The following CSMD3 variants were observed in gnomAD, a reference collection of about 807,000 sequenced individuals.
The protein encoded by CSMD3 is CUB and Sushi multiple domains 3, also known as CUB and sushi domain-containing protein 3.
CSMD3 carries 177 observed loss-of-function variants against 435.2 expected under a neutral mutation model. The ratio of observed to expected loss-of-function variants is 0.41; its 90% CI spans 0.36 to 0.46. CSMD3 has a LOEUF of 0.46. CSMD3 is among the 20% of genes least tolerant of loss of function. CSMD3 has a pLI of 0.34. For missense variants in CSMD3, 4,265 were observed against 4,504.6 expected (o/e 0.95, Z 1.52); for synonymous variants, 1,656 against 1,520.5 (o/e 1.09, Z -2.07).
intron 1 of CSMD3, chr8:113,377,087 C>A: frequency 7.7e-7 from 1 of 1,293,906 alleles, no homozygotes; most frequent in East Asian, 4.3e-5. Flanking sequence ...CGCCAGCTGG[C>A]GCTGGACTCC....
chr8:112,894,759 G>C (rs990356982), intron 10 of CSMD3, among the ~76,000 whole-genome samples: 6 of 151,108 alleles, frequency 4.0e-5, no homozygotes, highest in African/African-American at 1.2e-4. Flanking sequence ...CATGTTACTT[G>C]CTACTACTAA....
At chr8:112,722,435 C>G (rs550711967) in intron 13 of CSMD3, among the ~76,000 whole-genome samples, 58 of 152,132 alleles carry the variant, frequency 3.8e-4, no homozygotes, top group Admixed American at 7.2e-4. Flanking sequence ...AAGGTTGTTA[C>G]GATTAGAAGA....
chr8:112,822,818 C>T (rs2079564114), intron 12 of CSMD3, among the ~76,000 whole-genome samples: 3 of 151,972 alleles, frequency 2.0e-5, no homozygotes, highest in Admixed American at 2.0e-4. Context: ...TCCATTAATA[C>T]CTAGTTTATT....
chr8:112,904,037 T>G (rs113766809), intron 10 of CSMD3, among the ~76,000 whole-genome samples: 1 of 151,304 alleles, frequency 6.6e-6, no homozygotes, highest in Non-Finnish European at 1.5e-5. Context: ...TAGGTCCTTC[T>G]TAAGAATAGG....
At chr8:112,511,530 C>T (rs2130956917) in intron 28 of CSMD3, among the ~76,000 whole-genome samples, 1 of 151,928 alleles carries the variant, frequency 6.6e-6, no homozygotes, top group East Asian at 1.9e-4. Flanking sequence ...GCTGGGACTA[C>T]AGGCGCCTGC....
intron 27 of CSMD3, among the ~76,000 whole-genome samples, chr8:112,534,737 T>G (rs1246048337): frequency 6.6e-6 from 1 of 151,968 alleles, no homozygotes. Flanking sequence ...AAAAAGAGAA[T>G]TTTAGACCAA....
intron 1 of CSMD3, among the ~76,000 whole-genome samples, chr8:113,431,324 A>G (rs2094671523): frequency 6.6e-6 from 1 of 152,228 alleles, no homozygotes; most frequent in African/African-American, 2.4e-5. Flanking sequence ...AAATAGCTAA[A>G]GCTATGTTTT....
intron 5 of CSMD3, among the ~76,000 whole-genome samples, chr8:113,050,031 C>A (rs2088019517): frequency 6.6e-6 from 1 of 152,146 alleles, no homozygotes; most frequent in Non-Finnish European, 1.5e-5. Context: ...ACAATCAGTT[C>A]TCTTTAGCGG....
intron 8 of CSMD3, 88 bp from the exon 9 acceptor site, chr8:112,947,965 T>C: frequency 1.5e-6 from 1 of 666,320 alleles, no homozygotes. Flanking sequence ...ACATAAAATG[T>C]ATTATTGTAT....
In CSMD3 at chr8:112,247,060, G is replaced by C. The variant is rs1437022104; in HGVS notation, c.10182C>G (p.Leu3394=). The C allele has an allele frequency of 6.2e-7, 1 of 1,613,844 alleles. No homozygotes were observed. Among genetic ancestry groups the C allele is most frequent in the Non-Finnish European group, 8.5e-7 (1 of 1,179,852 alleles). ...LLQGSTTRTC[L]PDLTWSGIQP... is the part of the protein sequence containing the mutation. ...GAATCCCACTCCACGTAAGATCAGGGAGGCAGGTGCGTGTTGTAGACCCTT... is the reference window on the plus strand; with the variant it reads ...GAATCCCACTCCACGTAAGATCAGGCAGGCAGGTGCGTGTTGTAGACCCTT... Residue 3394 remains leucine (L), a synonymous_variant, in exon 64 of 71, where the codon CTC becomes CTG. Transcript: ENST00000297405.
At chr8:113,083,190 A>G (rs1162142612) in intron 5 of CSMD3, among the ~76,000 whole-genome samples, 1 of 152,146 alleles carries the variant, frequency 6.6e-6, no homozygotes, top group African/African-American at 2.4e-5. Flanking sequence ...TTCAAGGCAC[A>G]CTATATTGAA....
At chr8:112,410,288 A>G (rs928448024) in intron 32 of CSMD3, among the ~76,000 whole-genome samples, 1 of 66 alleles carries the variant, frequency 0.015, no homozygotes, top group African/African-American at 0.071. Flanking sequence ...AACGTTTCTG[A>G]ACATTGGCTG....
intron 12 of CSMD3, among the ~76,000 whole-genome samples, chr8:112,817,111 A>G (rs1304669738): frequency 1.3e-5 from 2 of 152,164 alleles, no homozygotes; most frequent in African/African-American, 4.8e-5. Flanking sequence ...GTGTCTTAAT[A>G]GAAGATATTT....
At chr8:112,344,704 C>T (rs888290608) in intron 41 of CSMD3, among the ~76,000 whole-genome samples, 1 of 151,854 alleles carries the variant, frequency 6.6e-6, no homozygotes, top group African/African-American at 2.4e-5. Flanking sequence ...ATAGGATCTG[C>T]AAAAGCTGTA....
intron 30 of CSMD3, among the ~76,000 whole-genome samples, chr8:112,494,849 T>C (rs1331888660): frequency 6.6e-6 from 1 of 152,082 alleles, no homozygotes. Flanking sequence ...GGAGGTGTGC[T>C]GACATGTGCA....
chr8:112,540,010 G>A (rs1826509634), intron 27 of CSMD3, among the ~76,000 whole-genome samples: 3 of 151,848 alleles, frequency 2.0e-5, no homozygotes, highest in Admixed American at 6.6e-5. Context: ...TCTGACAAGG[G>A]ACTAATAACC....
intron 3 of CSMD3, among the ~76,000 whole-genome samples, chr8:113,189,900 T>C (rs370960121): frequency 1.3e-5 from 2 of 151,882 alleles, no homozygotes; most frequent in South Asian, 2.1e-4. Flanking sequence ...AAATATTTTA[T>C]TGAAATGTAA....
At chr8:113,363,814 T>C (rs1172705590) in intron 1 of CSMD3, among the ~76,000 whole-genome samples, 1 of 152,206 alleles carries the variant, frequency 6.6e-6, no homozygotes, top group Non-Finnish European at 1.5e-5. Context: ...AATTAGGACC[T>C]GGTATCTCTG....
intron 19 of CSMD3, 93 bp downstream of exon 19, chr8:112,650,068 A>G: frequency 1.1e-6 from 1 of 937,696 alleles, no homozygotes; most frequent in South Asian, 1.5e-5. Flanking sequence ...AAAAACCTAA[A>G]ATATTTATAA....
Sources: gnomAD v4.1 joint callset for allele counts (sites outside exome capture counted in the v4.1 genomes callset) on GRCh38, gnomAD v4.1.1 for gene constraint, MANE v1.5 for transcripts, NCBI Gene and HGNC (gene_info 2026-07-23, HGNC 2026-07-21) for gene names.